The following SRMS variants were observed in gnomAD, a reference collection of about 807,000 sequenced individuals.
SRMS encodes the protein tyrosine-protein kinase Srms.
SRMS carries 42 observed loss-of-function variants against 43.5 expected under a neutral mutation model. The ratio of observed to expected loss-of-function variants is 0.97; its 90% CI spans 0.75 to 1.25. The LOEUF is 1.25. Among genes scored for constraint, SRMS ranks in the 50% most tolerant of loss-of-function variants. The pLI, the probability that SRMS is intolerant of heterozygous loss-of-function variation, is 0.00. For missense variants in SRMS, 703 were observed against 681.0 expected (o/e 1.03, Z -0.36); for synonymous variants, 316 against 308.2 (o/e 1.03, Z -0.27).
At chr20:63,541,656 G>A in intron 5 of SRMS, 36 bp from the exon 6 acceptor site, 1 of 1,469,500 alleles carries the variant, frequency 6.8e-7, no homozygotes, top group South Asian at 1.3e-5. Context: ...TAGGGCACGG[G>A]GCCAACGGCC....
chr20:63,539,286 C>T lies in SRMS; in HGVS notation c.*1532G>A, dbSNP rs569702673. On this transcript the variant is annotated 3_prime_UTR_variant, in exon 8 of 8. Transcript: ENST00000217188. Reference sequence around the variant, plus strand: ...CCTCCGATGCACGGGCCCCAGGAAGCCCCCGCGCTGCCTCCGTTCTCGGAG... The same window carrying T: ...CCTCCGATGCACGGGCCCCAGGAAGTCCCCGCGCTGCCTCCGTTCTCGGAG... Among the ~76,000 whole-genome samples the T allele has an allele frequency of 6.6e-6, 1 of 152,334 alleles. No individual in the cohort carries two copies. The highest frequency in any genetic ancestry group is 6.5e-5 in the Admixed American group (1 of 15,302).
In SRMS at chr20:63,544,459, G is replaced by T. The variant is rs574631144; in HGVS notation, c.357-111C>A. The T allele has an allele frequency of 7.6e-6, 10 of 1,320,392 alleles. No homozygotes were observed. The South Asian group carries it at 1.8e-4, about 23-fold the overall frequency. The allele number at this position is 1,320,392 out of a possible 1,614,324, so 81.8% of individuals were successfully genotyped here. A position where few individuals can be genotyped will look rare whatever the true frequency, so the allele number is the denominator to read the frequency against. ...AGCCCGGCTGTCCCACCGCCTCAGG[G>T]AGAAGGTCCACCCCGTGGACTTTGA... On this transcript the variant is annotated intron_variant, in intron 1 of 7. Coordinates refer to ENST00000217188, the MANE Select transcript of SRMS (RefSeq NM_080823.4).
chr20:63,545,042 G>A (rs1171405628), intron 1 of SRMS, among the ~76,000 whole-genome samples: 7 of 152,220 alleles, frequency 4.6e-5, no homozygotes, highest in Admixed American at 3.9e-4. Context: ...GCCAGGTGCA[G>A]GTGAGACCTC....
chr20:63,544,095 C>T, intron 2 of SRMS, 132 bp downstream of exon 2: 1 of 1,107,606 alleles, frequency 9.0e-7, no homozygotes, highest in Non-Finnish European at 1.2e-6. Flanking sequence ...AGGTGACCAG[C>T]ATATCTGCTG....
intron 5 of SRMS, 150 bp from the exon 6 acceptor site, chr20:63,541,770 C>G: frequency 4.8e-6 from 5 of 1,043,128 alleles, no homozygotes; most frequent in Non-Finnish European, 6.7e-6. Context: ...CGGGAAGCCC[C>G]AAGTGAGACA....
Position 63,542,511 on chromosome 20 carries a change from C to A in SRMS, c.716G>T (p.Gly239Val), listed in dbSNP as rs756796758. ...GCCTTCCCACACCTCCCCAAAGTAG[C>A]CTTCACCCAGCTTCCTCCCAAGGGC... ...EFALGRKLGEGYFGEVWEGLW... is the reference protein window; with the variant it reads ...EFALGRKLGEVYFGEVWEGLW... Residue 239 changes from glycine to valine, a missense_variant, in exon 4 of 8, where the codon GGC (glycine) becomes GTC (valine). Coordinates refer to ENST00000217188, the MANE Select transcript of SRMS (RefSeq NM_080823.4). 3 of 1,612,786 alleles carry A rather than the reference C, an allele frequency of 1.9e-6. No homozygotes were observed. The highest frequency in any genetic ancestry group is 2.2e-5 in the South Asian group (2 of 91,086).
chr20:63,545,557 C>T (rs1031643996), intron 1 of SRMS, among the ~76,000 whole-genome samples: 2 of 152,218 alleles, frequency 1.3e-5, no homozygotes, highest in African/African-American at 2.4e-5. Context: ...TGGGACTGGG[C>T]AAGACGGAGG....
At position 63,540,937 on chromosome 20, in the gene SRMS, C is replaced by T. The variant is rs2082700079; in HGVS notation, c.1348G>A (p.Ala450Thr). ...AGCACGTAGACCTCCGCCGGGCAGG[C>T]AGCCGGGCGCGGCAGCCGGTACCCT... ...MRGYRLPRPA[A>T]CPAEVYVLML... Residue 450 changes from alanine (A) to threonine (T), a missense_variant, in exon 8 of 8, where the codon GCC becomes ACC. By Grantham distance (58) the Ala-to-Thr change is moderately conservative. Transcript: ENST00000217188. 1.2e-6 allele frequency: 2 copies of T among 1,606,844 alleles called. No homozygotes were observed. Among genetic ancestry groups the T allele is most frequent in the Non-Finnish European group, 1.7e-6 (2 of 1,179,462 alleles).
At position 63,539,821 on chromosome 20, in the gene SRMS, G is replaced by A. The variant is rs962854387; in HGVS notation, c.*997C>T. On this transcript the variant is annotated 3_prime_UTR_variant, in exon 8 of 8. Transcript: ENST00000217188. The stretch of plus-strand genomic sequence containing the variant: ...GACCCTGCCTGACCCTGCACAGGCA[G>A]AAGACTCCAAATCCCCCACGGCCCA... Among the ~76,000 whole-genome samples the A allele has an allele frequency of 4.6e-5, 7 of 152,122 alleles. No individual in the cohort carries two copies. The highest frequency in any genetic ancestry group is 1.7e-4 in the African/African-American group (7 of 41,428).
rs2082695235 is a variant in SRMS, at chr20:63,540,185, T to G, written c.*633A>C. 6.6e-6 allele frequency among the ~76,000 whole-genome samples: 1 copy of G among 152,132 alleles called. No individual in the cohort carries two copies. The highest frequency in any genetic ancestry group is 2.4e-5 in the African/African-American group (1 of 41,410). ...CTGAGTGCTGTGTGCGTGAGTGGGTTTGTGCACAGGCCGCCAGTGTGTCTG... is the reference window on the plus strand; with the variant it reads ...CTGAGTGCTGTGTGCGTGAGTGGGTGTGTGCACAGGCCGCCAGTGTGTCTG... On this transcript the variant is annotated 3_prime_UTR_variant, in exon 8 of 8. Coordinates refer to ENST00000217188, the MANE Select transcript of SRMS (RefSeq NM_080823.4).
At position 63,541,927 on chromosome 20, in the gene SRMS, C is replaced by T. The variant is rs533383169; in HGVS notation, c.946+236G>A. Among the ~76,000 whole-genome samples the T allele has an allele frequency of 3.9e-4, 59 of 152,314 alleles. 1 individual carries two copies. The South Asian group carries it at 0.01, about 26-fold the overall frequency. On this transcript the variant is annotated intron_variant, in intron 5 of 7. Transcript: ENST00000217188. The stretch of plus-strand genomic sequence containing the variant: ...ACCCAGATGGGACCGCGCCCCCCAC[C>T]GCCCCCGAACACCAGCTCCAGCCCC...
chr20:63,547,472 G>T lies in SRMS; in HGVS notation c.-9C>A. 6.8e-7 allele frequency: 1 copy of T among 1,477,506 alleles called. No homozygotes were observed. The highest frequency in any genetic ancestry group is 9.0e-7 in the Non-Finnish European group (1 of 1,111,180). The allele number at this position is 1,477,506 out of a possible 1,614,324, so 91.5% of individuals were successfully genotyped here. The stretch of plus-strand genomic sequence containing the variant: ...CTGAGGAACGGCTCCATCCCCCGGG[G>T]TCACCACGCTGGGCCCGAGGGCCAT... On this transcript the variant is annotated 5_prime_UTR_variant, in exon 1 of 8. Coordinates refer to ENST00000217188, the MANE Select transcript of SRMS (RefSeq NM_080823.4).
rs996940848 is a variant in SRMS at position 63,539,888 on chromosome 20, G to T, written c.*930C>A. Among the ~76,000 whole-genome samples the T allele has an allele frequency of 1.3e-5, 2 of 152,086 alleles. No homozygotes were observed. The highest frequency in any genetic ancestry group is 2.4e-5 in the African/African-American group (1 of 41,410). Reference sequence around the variant, plus strand: ...AATAGCCTCCAAGGGCAGCTCCCAGGTCACCAAGCCTCCCGGCCCACCCTT... The same window carrying T: ...AATAGCCTCCAAGGGCAGCTCCCAGTTCACCAAGCCTCCCGGCCCACCCTT... On this transcript the variant is annotated 3_prime_UTR_variant, in exon 8 of 8. Coordinates refer to ENST00000217188, the MANE Select transcript of SRMS (RefSeq NM_080823.4).
In SRMS at chr20:63,538,980, C is replaced by T. The variant is rs915392580; in HGVS notation, c.*1838G>A. On this transcript the variant is annotated 3_prime_UTR_variant, in exon 8 of 8. Transcript: ENST00000217188. Reference sequence around the variant, plus strand: ...GGAGGGCACAGGTGCCACAGACACACCTGGTCCCCTTAATCCCAGTGGCGG... The same window carrying T: ...GGAGGGCACAGGTGCCACAGACACATCTGGTCCCCTTAATCCCAGTGGCGG... Among the ~76,000 whole-genome samples the T allele has an allele frequency of 6.6e-6, 1 of 152,168 alleles. No homozygotes were observed. Among genetic ancestry groups the T allele is most frequent in the Non-Finnish European group, 1.5e-5 (1 of 68,000 alleles).
chr20:63,540,750 G>C lies in SRMS; in HGVS notation c.*68C>G, dbSNP rs936102205. ...CGGTCCGGCAGACCGGCATCCCTTC[G>C]AGTTGGCGCTCTGCAGGGAGGAGGG... On this transcript the variant is annotated 3_prime_UTR_variant, in exon 8 of 8. Coordinates refer to ENST00000217188, the MANE Select transcript of SRMS (RefSeq NM_080823.4). 6.6e-7 allele frequency: 1 copy of C among 1,506,372 alleles called. No individual in the cohort carries two copies. The highest frequency in any genetic ancestry group is 1.4e-5 in the African/African-American group (1 of 71,256). The allele number at this position is 1,506,372 out of a possible 1,614,324, so 93.3% of individuals were successfully genotyped here.
At chr20:63,543,509 TG>T in intron 2 of SRMS, 29 bp from the exon 3 acceptor site, 5 of 1,605,754 alleles carry the variant, frequency 3.1e-6, no homozygotes, top group Non-Finnish European at 4.3e-6. Context: ...TGGAGACCCC[TG>T]CCTTGGCTGC....
At chr20:63,544,382 G>T (rs1403611927) in intron 1 of SRMS, 34 bp from the exon 2 acceptor site, 2 of 1,439,828 alleles carry the variant, frequency 1.4e-6, no homozygotes, top group African/African-American at 1.5e-5. Flanking sequence ...CACCTTGCAG[G>T]CCCCTCAGCC....
At position 63,547,287 on chromosome 20, in the gene SRMS, G is replaced by C. The variant is rs36032098; in HGVS notation, c.177C>G (p.Leu59=). Reference sequence around the variant, plus strand: ...CGCCACACCGCGCCGTGAAGTCATAGAGCGCAAGGAAGAGCTGAGGGAAGG... The same window carrying C: ...CGCCACACCGCGCCGTGAAGTCATACAGCGCAAGGAAGAGCTGAGGGAAGG... ...CSPFPQLFLA[L]YDFTARCGGE... is the part of the protein sequence containing the mutation. The change falls in exon 1 of 8, where the codon CTC becomes CTG. Residue 59 remains leucine (L), a synonymous_variant. Coordinates refer to ENST00000217188, the MANE Select transcript of SRMS (RefSeq NM_080823.4). The C allele has an allele frequency of 6.2e-7, 1 of 1,606,140 alleles. No homozygotes were observed. Among genetic ancestry groups the C allele is most frequent in the African/African-American group, 1.3e-5 (1 of 74,732 alleles).
rs761804003 is a variant in SRMS at position 63,544,228 on chromosome 20, T to G, written c.477A>C (p.Ser159=). Residue 159 remains serine, a splice_region_variant and synonymous_variant, in exon 2 of 8, where the codon TCA becomes TCC. Transcript: ENST00000217188. ...SESSLGGYSL[S]VRAQAKVCHY... ...GGCAGGAGGGGCCGCCCCAGGTACC[T>G]GACAGTGAGTAGCCCCCGAGGCTGC... 3.4e-6 allele frequency: 5 copies of G among 1,454,342 alleles called. No individual in the cohort carries two copies. Among genetic ancestry groups the G allele is most frequent in the Non-Finnish European group, 1.8e-6 (2 of 1,102,886 alleles). The allele number at this position is 1,454,342 out of a possible 1,614,324, so 90.1% of individuals were successfully genotyped here.
Sources: allele counts gnomAD v4.1 joint callset (sites outside exome capture counted in the v4.1 genomes callset), GRCh38; gene constraint gnomAD v4.1.1; transcripts MANE v1.5; gene names NCBI Gene and HGNC (gene_info 2026-07-23, HGNC 2026-07-21).